The following SIPA1L2 variants were observed in gnomAD, a reference collection of about 807,000 sequenced individuals.
The protein encoded by SIPA1L2 is signal induced proliferation associated 1 like 2, also known as signal-induced proliferation-associated 1-like protein 2.
A neutral mutation model predicts 163.9 loss-of-function variants in SIPA1L2; 56 were observed. The ratio of observed to expected loss-of-function variants is 0.34; its 90% CI spans 0.28 to 0.43. SIPA1L2 has a LOEUF of 0.43. SIPA1L2 is among the 20% of genes least tolerant of loss of function. SIPA1L2 has a pLI of 1.00. For synonymous variants in SIPA1L2, 877 were observed against 865.7 expected, an observed-to-expected ratio of 1.01 and a Z score of -0.23; for missense variants, 1,974 against 2,193.5, an observed-to-expected ratio of 0.90 and a Z score of 2.00.
chr1:232,484,614 T>C (rs1665553810), intron 5 of SIPA1L2, among the ~76,000 whole-genome samples: 2 of 152,324 alleles, frequency 1.3e-5, no homozygotes, highest in South Asian at 4.1e-4. Context: ...AAATATACAG[T>C]GTACCACAAA....
At chr1:232,484,310 A>G (rs946530198) in intron 5 of SIPA1L2, among the ~76,000 whole-genome samples, 64 of 152,366 alleles carry the variant, frequency 4.2e-4, no homozygotes, top group African/African-American at 1.5e-3. Flanking sequence ...TACACACTTC[A>G]TATAGTAATT....
intron 2 of SIPA1L2, among the ~76,000 whole-genome samples, chr1:232,569,300 A>G (rs1659581894): frequency 1.3e-5 from 2 of 152,260 alleles, no homozygotes; most frequent in African/African-American, 4.8e-5. Flanking sequence ...CATGTTATAT[A>G]TAGGCAACTG....
chr1:232,419,281 T>C (rs892432928), intron 18 of SIPA1L2, among the ~76,000 whole-genome samples: 19 of 152,224 alleles, frequency 1.2e-4, no homozygotes, highest in African/African-American at 4.6e-4. Flanking sequence ...GAGCCACCTA[T>C]AGATCTCCAT....
At chr1:232,568,709 C>G (rs1372544146) in intron 2 of SIPA1L2, among the ~76,000 whole-genome samples, 1 of 152,128 alleles carries the variant, frequency 6.6e-6, no homozygotes, top group East Asian at 1.9e-4. Context: ...AAGCCATATG[C>G]AAATCTAACA....
At position 232,401,094 on chromosome 1, in the gene SIPA1L2, C is replaced by T. The variant is rs149529565; in HGVS notation, c.5022+1298G>A. ...CTTTGGTTTATTCATGCCCTGTACA[C>T]GCCCCAGGGTCCTTGTCTCTCTCTC... is the stretch of plus-strand genomic sequence containing the variant. On this transcript the variant is annotated intron_variant, in intron 22 of 22. Coordinates refer to ENST00000674635, the MANE Select transcript of SIPA1L2 (RefSeq NM_020808.5). Among the ~76,000 whole-genome samples, 988 of 152,240 alleles carry T rather than the reference C, an allele frequency of 6.5e-3. 4 individuals carry two copies. The highest frequency in any genetic ancestry group is 0.022 in the African/African-American group (906 of 41,534).
intron 10 of SIPA1L2, among the ~76,000 whole-genome samples, chr1:232,457,373 G>A (rs1293949072): frequency 6.6e-6 from 1 of 152,166 alleles, no homozygotes; most frequent in Admixed American, 6.5e-5. Flanking sequence ...CAACATTTAT[G>A]AGACTAAAAT....
In SIPA1L2 at chr1:232,399,198, ACTC is replaced by A; in HGVS notation, c.5095_5097del (p.Glu1699del). The A allele has an allele frequency of 6.2e-7, 1 of 1,612,086 alleles. No individual in the cohort carries two copies. Among genetic ancestry groups the A allele is most frequent in the Non-Finnish European group, 8.5e-7 (1 of 1,179,554 alleles). On this transcript the variant is annotated inframe_deletion, in exon 23 of 23. Coordinates refer to ENST00000674635, the MANE Select transcript of SIPA1L2 (RefSeq NM_020808.5). ...CGCAGCTGAGCTGTCGCGGTCTGGG[ACTC>A]CTCCTGCAGTCTCATGTTGTCCTGT...
intron 4 of SIPA1L2, among the ~76,000 whole-genome samples, chr1:232,492,558 C>T (rs1482935730): frequency 6.6e-6 from 1 of 152,176 alleles, no homozygotes; most frequent in East Asian, 1.9e-4. Flanking sequence ...TTTAGCTATA[C>T]ATGTTGTATA....
At chr1:232,520,185 G>C (rs774152889) in intron 2 of SIPA1L2, among the ~76,000 whole-genome samples, 1 of 152,166 alleles carries the variant, frequency 6.6e-6, no homozygotes, top group South Asian at 2.1e-4. Flanking sequence ...AGGGGCACTG[G>C]TCTTCTCCCC....
intron 1 of SIPA1L2, among the ~76,000 whole-genome samples, chr1:232,615,200 G>A (rs1284977678): frequency 6.6e-6 from 1 of 152,202 alleles, no homozygotes; most frequent in East Asian, 1.9e-4. Context: ...TGACACCATG[G>A]TGCACTGACC....
At chr1:232,461,781 C>G (rs75068467) in intron 9 of SIPA1L2, among the ~76,000 whole-genome samples, 4,268 of 152,328 alleles carry the variant, frequency 0.028, 180 homozygotes, top group Admixed American at 0.12. Context: ...TAAATGTTCT[C>G]TACGCACCAG....
intron 3 of SIPA1L2, among the ~76,000 whole-genome samples, chr1:232,502,725 G>A (rs537763504): frequency 1.1e-3 from 161 of 152,232 alleles, no homozygotes; most frequent in Non-Finnish European, 1.9e-3. Context: ...CAGCTTTTAT[G>A]CCTCCTAACC....
At chr1:232,457,226 T>TATTTTTA (rs1663970051) in intron 10 of SIPA1L2, among the ~76,000 whole-genome samples, 5 of 152,222 alleles carry the variant, frequency 3.3e-5, no homozygotes, top group Non-Finnish European at 7.3e-5. Context: ...AAACACCTTT[T>TATTTTTA]GACCTGAGGA....
rs530418447 is a variant in SIPA1L2, at chr1:232,415,526, G to C, written c.4730C>G (p.Thr1577Ser). ...TGCCCGTGCAGCATCCACGAGGTGG[G>C]TCCAATCTAACCCTGTGGCTGTGTC... ...LPDTATGLDW[T>S]HLVDAARAFE... Residue 1577 changes from threonine (T) to serine (S), a missense_variant, in exon 19 of 23, where the codon ACC (threonine) becomes AGC (serine). Thr to Ser is a moderately conservative substitution (Grantham distance 58). Around this residue, in one of 3 missense-constraint regions of SIPA1L2, gnomAD observed 1,079 missense variants for 1,150.7 expected, o/e 0.94. Transcript: ENST00000674635. The C allele has an allele frequency of 6.2e-7, 1 of 1,613,244 alleles. No homozygotes were observed. The highest frequency in any genetic ancestry group is 8.5e-7 in the Non-Finnish European group (1 of 1,179,622).
chr1:232,445,440 A>C (rs2102872816), intron 11 of SIPA1L2, 89 bp downstream of exon 11: 2 of 1,567,374 alleles, frequency 1.3e-6, no homozygotes, highest in East Asian at 2.3e-5. Flanking sequence ...CTAACTCAGA[A>C]GTGATTAAGC....
intron 2 of SIPA1L2, among the ~76,000 whole-genome samples, chr1:232,535,338 T>A (rs922454209): frequency 6.6e-6 from 1 of 152,196 alleles, no homozygotes; most frequent in South Asian, 2.1e-4. Context: ...TCAGCTCAAA[T>A]TGAATCAACA....
At chr1:232,468,917 C>G (rs927525037) in intron 8 of SIPA1L2, among the ~76,000 whole-genome samples, 10 of 152,144 alleles carry the variant, frequency 6.6e-5, no homozygotes, top group African/African-American at 2.4e-4. Flanking sequence ...TATTTTCAGG[C>G]TGAAAGTGAG....
chr1:232,492,694 T>C (rs566945753), intron 4 of SIPA1L2, among the ~76,000 whole-genome samples: 1 of 152,186 alleles, frequency 6.6e-6, no homozygotes, highest in African/African-American at 2.4e-5. Context: ...ATGGGGCCTG[T>C]AGCCTCTTCG....
intron 13 of SIPA1L2, 51 bp downstream of exon 13, chr1:232,441,717 G>A (rs1048692794): frequency 6.9e-7 from 1 of 1,446,148 alleles, no homozygotes. Flanking sequence ...AGGGGGCAGA[G>A]AGGGGGAAAG....
Sources: gnomAD v4.1 joint callset for allele counts (sites outside exome capture counted in the v4.1 genomes callset) on GRCh38, gnomAD v4.1.1 for gene constraint, gnomAD v4.1.1 regional missense constraint, MANE v1.5 for transcripts, NCBI Gene and HGNC (gene_info 2026-07-23, HGNC 2026-07-21) for gene names.